RARB: variants seen among roughly 807,000 people sequenced by gnomAD.
RARB encodes HBV-activated protein.
A neutral mutation model predicts 51.9 loss-of-function variants in RARB; 17 were observed. The ratio of observed to expected loss-of-function variants is 0.33; its 90% confidence interval spans 0.22 to 0.49. The LOEUF is 0.49. Ranked by LOEUF, RARB falls within the 20% of genes least tolerant of loss-of-function variation. The pLI is 0.99. For synonymous variants in RARB, 215 were observed against 195.4 expected (o/e 1.10, Z -0.84); for missense variants, 369 against 550.8 (o/e 0.67, Z 3.30).
intron 1 of RARB, among the ~76,000 whole-genome samples, chr3:25,437,708 G>A (rs1313572782): frequency 6.6e-6 from 1 of 152,150 alleles, no homozygotes; most frequent in Non-Finnish European, 1.5e-5. Context: ...GAGCGGGCGT[G>A]AAGTTTTTCT....
intron 4 of RARB, among the ~76,000 whole-genome samples, chr3:25,145,849 A>T (rs570571845): frequency 2.0e-4 from 30 of 152,102 alleles, no homozygotes; most frequent in Non-Finnish European, 3.5e-4. Context: ...TACAAAAAAA[A>T]ATATTAACCA....
At chr3:25,390,682 C>T (rs1198805746) in intron 5 of RARB, among the ~76,000 whole-genome samples, 2 of 152,050 alleles carry the variant, frequency 1.3e-5, no homozygotes, top group African/African-American at 2.4e-5. Flanking sequence ...CAAGTTTGGG[C>T]TTCACAGTAA....
chr3:24,964,613 G>A (rs1033569042), intron 2 of RARB, among the ~76,000 whole-genome samples: 1 of 152,198 alleles, frequency 6.6e-6, no homozygotes, highest in Non-Finnish European at 1.5e-5. Flanking sequence ...ATGGTTTGGT[G>A]TATGTTGATG....
chr3:25,136,765 T>G (rs1450191135), intron 4 of RARB, among the ~76,000 whole-genome samples: 1 of 151,884 alleles, frequency 6.6e-6, no homozygotes, highest in East Asian at 1.9e-4. Flanking sequence ...GGGGAGAGTT[T>G]GGGGATGAAG....
chr3:25,071,323 T>C (rs879725714), intron 3 of RARB, among the ~76,000 whole-genome samples: 1 of 152,236 alleles, frequency 6.6e-6, no homozygotes, highest in African/African-American at 2.4e-5. Flanking sequence ...ACAGTTACTT[T>C]GGCTGTAAAA....
intron 5 of RARB, among the ~76,000 whole-genome samples, chr3:25,390,134 G>A (rs1333212624): frequency 2.0e-5 from 3 of 152,098 alleles, no homozygotes; most frequent in Admixed American, 6.6e-5. Context: ...TAAGAGGTGG[G>A]ACTTTTAGGA....
Position 24,958,255 on chromosome 3 carries a change from G to GTTTTTTT in RARB, c.-380+99531_-380+99537dup, listed in dbSNP as rs71057692. Among the ~76,000 whole-genome samples the GTTTTTTT allele has an allele frequency of 1.5e-3, 106 of 69,468 alleles. 5 individuals are homozygous for GTTTTTTT. The highest frequency in any genetic ancestry group is 4.1e-3 in the East Asian group (8 of 1,930). The allele number at this position is 69,468 out of a possible 152,430, so 45.6% of individuals were successfully genotyped here. ...ACCTGAAGCTTCCTGAGCTGCTCAG[G>GTTTTTTT]TTTTTTTTTTTTTTTTTTTTTTTTT... On this transcript the variant is annotated intron_variant, in intron 2 of 11. Coordinates refer to the RARB transcript ENST00000383772.
At chr3:25,396,422 T>G (rs1707115746) in intron 5 of RARB, among the ~76,000 whole-genome samples, 1 of 152,238 alleles carries the variant, frequency 6.6e-6, no homozygotes, top group African/African-American at 2.4e-5. Context: ...TTGTTTTCTT[T>G]CTTCAAGTGG....
chr3:24,986,862 G>A (rs1008110394), intron 2 of RARB, among the ~76,000 whole-genome samples: 1 of 152,062 alleles, frequency 6.6e-6, no homozygotes, highest in African/African-American at 2.4e-5. Context: ...GCAGAAAAGC[G>A]AACCTCAACA....
chr3:25,049,771 G>GGAT (rs1165231750), intron 2 of RARB, among the ~76,000 whole-genome samples: 5 of 152,148 alleles, frequency 3.3e-5, no homozygotes, highest in Non-Finnish European at 7.4e-5. Context: ...TGTTAACTAT[G>GGAT]GATGATTCCC....
At chr3:24,993,409 CTTTT>C (rs201819959) in intron 2 of RARB, among the ~76,000 whole-genome samples, 1 of 151,634 alleles carries the variant, frequency 6.6e-6, no homozygotes, top group Non-Finnish European at 1.5e-5. Context: ...TTTTCAAAGT[CTTTT>C]TTTTAATTTA....
intron 1 of RARB, among the ~76,000 whole-genome samples, chr3:24,845,408 G>C (rs1308814591): frequency 6.6e-6 from 1 of 152,178 alleles, no homozygotes; most frequent in Non-Finnish European, 1.5e-5. Context: ...GGATAACAAA[G>C]GCTCAGCTGT....
intron 2 of RARB, among the ~76,000 whole-genome samples, chr3:25,471,098 G>T (rs1191269296): frequency 6.6e-6 from 1 of 152,100 alleles, no homozygotes; most frequent in African/African-American, 2.4e-5. Context: ...ATAATGAATT[G>T]CATCTAATTA....
intron 5 of RARB, among the ~76,000 whole-genome samples, chr3:25,218,272 G>C (rs1701876095): frequency 1.3e-5 from 2 of 152,046 alleles, no homozygotes. Flanking sequence ...AGGAATGTGA[G>C]AGTCGCCAGC....
At chr3:24,860,535 C>G (rs1225306416) in intron 2 of RARB, among the ~76,000 whole-genome samples, 2 of 152,034 alleles carry the variant, frequency 1.3e-5, no homozygotes, top group Non-Finnish European at 1.5e-5. Flanking sequence ...TAGGCAAACT[C>G]AAGTATAGAA....
intron 5 of RARB, among the ~76,000 whole-genome samples, chr3:25,283,457 G>A (rs1461557927): frequency 6.6e-6 from 1 of 152,182 alleles, no homozygotes; most frequent in Non-Finnish European, 1.5e-5. Flanking sequence ...AAATTCTTCA[G>A]TTCCTCTGTA....
chr3:24,885,103 A>G (rs1484448670), intron 2 of RARB, among the ~76,000 whole-genome samples: 1 of 152,140 alleles, frequency 6.6e-6, no homozygotes, highest in Non-Finnish European at 1.5e-5. Flanking sequence ...ATTACTACAT[A>G]ATTTATTTTC....
chr3:24,933,497 C>A (rs1263773385), intron 2 of RARB, among the ~76,000 whole-genome samples: 3 of 152,062 alleles, frequency 2.0e-5, no homozygotes, highest in Non-Finnish European at 4.4e-5. Flanking sequence ...TCTTTAGTGA[C>A]TCTCGCCCTT....
At chr3:25,175,287 C>A (rs1205541497) in intron 5 of RARB, among the ~76,000 whole-genome samples, 4 of 152,164 alleles carry the variant, frequency 2.6e-5, no homozygotes, top group Non-Finnish European at 4.4e-5. Flanking sequence ...GCGAGCTTTT[C>A]CACCTGTTAA....
Sources: allele counts gnomAD v4.1 joint callset (sites outside exome capture counted in the v4.1 genomes callset), GRCh38; gene constraint gnomAD v4.1.1; transcripts MANE v1.5; gene names NCBI Gene and HGNC (gene_info 2026-07-23, HGNC 2026-07-21).